Variants in CPNE4 observed in about 807,000 individuals in gnomAD.
The protein encoded by CPNE4 is copine-4.
A neutral mutation model predicts 67.9 loss-of-function variants in CPNE4; 25 were observed. The ratio of observed to expected loss-of-function variants is 0.37; its 90% CI spans 0.27 to 0.51. CPNE4 has a LOEUF of 0.51. Among genes scored for constraint, CPNE4 ranks in the 20% least tolerant of loss-of-function variants. The pLI is 0.93. For synonymous variants in CPNE4, 242 were observed against 244.9 expected, an observed-to-expected ratio of 0.99 and a Z score of 0.11; for missense variants, 464 against 690.8, an observed-to-expected ratio of 0.67 and a Z score of 3.68.
chr3:131,780,553 A>G (rs1197798096), intron 2 of CPNE4, among the ~76,000 whole-genome samples: 1 of 152,172 alleles, frequency 6.6e-6, no homozygotes, highest in Non-Finnish European at 1.5e-5. Context: ...GGAGGCCGTT[A>G]TCCGAAGCAA....
At chr3:131,846,249 C>G (rs998844373) in intron 2 of CPNE4, among the ~76,000 whole-genome samples, 3 of 152,138 alleles carry the variant, frequency 2.0e-5, no homozygotes, top group African/African-American at 7.2e-5. Flanking sequence ...ACATATTCAT[C>G]AAGAACATCT....
chr3:131,901,858 A>G (rs369930270), intron 2 of CPNE4, among the ~76,000 whole-genome samples: 30,964 of 151,906 alleles, frequency 0.2, 3,838 homozygotes, highest in Non-Finnish European at 0.27. Context: ...TGTGGTGTAA[A>G]TACTCCCTGA....
intron 5 of CPNE4, among the ~76,000 whole-genome samples, chr3:131,693,636 G>T (rs1214153216): frequency 2.0e-5 from 3 of 152,102 alleles, no homozygotes; most frequent in African/African-American, 7.2e-5. Flanking sequence ...AGAAAATTAT[G>T]TCTTGGCATT....
At chr3:132,017,168 A>G (rs1378263526) in intron 1 of CPNE4, among the ~76,000 whole-genome samples, 1 of 152,228 alleles carries the variant, frequency 6.6e-6, no homozygotes, top group Non-Finnish European at 1.5e-5. Flanking sequence ...CATGGTAAAC[A>G]ACTGAAAATG....
At position 131,830,072 on chromosome 3, in the gene CPNE4, C is replaced by T. The variant is rs186056744; in HGVS notation, c.180+75192G>A. ...TTCTTCTTATATTAACCTTTTTGAGCTTAGAAGATTGCATTAAAATCTGGA... is the reference window on the plus strand; with the variant it reads ...TTCTTCTTATATTAACCTTTTTGAGTTTAGAAGATTGCATTAAAATCTGGA... On this transcript the variant is annotated intron_variant, in intron 2 of 15. Transcript: ENST00000429747. Among the ~76,000 whole-genome samples the T allele has an allele frequency of 2.3e-3, 356 of 152,244 alleles. 3 individuals carry two copies. The highest frequency in any genetic ancestry group is 8.1e-3 in the African/African-American group (335 of 41,544).
At chr3:131,983,605 G>A (rs564350998) in intron 1 of CPNE4, among the ~76,000 whole-genome samples, 2 of 152,200 alleles carry the variant, frequency 1.3e-5, no homozygotes, top group South Asian at 4.1e-4. Context: ...AAAGTGGTAG[G>A]CACACTGTGG....
At chr3:131,756,069 G>T (rs1160336218) in intron 2 of CPNE4, among the ~76,000 whole-genome samples, 1 of 152,092 alleles carries the variant, frequency 6.6e-6, no homozygotes, top group Non-Finnish European at 1.5e-5. Flanking sequence ...CTAGGGTTTA[G>T]TCAGTGTCTA....
intron 2 of CPNE4, among the ~76,000 whole-genome samples, chr3:131,817,441 T>C (rs2084788315): frequency 6.6e-6 from 1 of 152,066 alleles, no homozygotes; most frequent in Non-Finnish European, 1.5e-5. Context: ...TCAAATGCAG[T>C]AAATGAGGGG....
chr3:131,851,303 T>G (rs1333986638), intron 2 of CPNE4, among the ~76,000 whole-genome samples: 1 of 152,064 alleles, frequency 6.6e-6, no homozygotes, highest in Non-Finnish European at 1.5e-5. Context: ...ATTAATATTT[T>G]TAATCTCTCC....
chr3:131,750,545 GT>G (rs1263451841), intron 2 of CPNE4, among the ~76,000 whole-genome samples: 1 of 151,988 alleles, frequency 6.6e-6, no homozygotes, highest in Non-Finnish European at 1.5e-5. Context: ...ACCAGATCAA[GT>G]GACATAATGG....
At chr3:131,582,857 T>G (rs1937927397) in intron 8 of CPNE4, among the ~76,000 whole-genome samples, 1 of 152,186 alleles carries the variant, frequency 6.6e-6, no homozygotes, top group Non-Finnish European at 1.5e-5. Context: ...TGAGTTCTGT[T>G]GGCACCACGT....
chr3:131,978,093 A>G (rs766712430), intron 1 of CPNE4, among the ~76,000 whole-genome samples: 8,643 of 53,198 alleles, frequency 0.16, 1,041 homozygotes, highest in South Asian at 0.21. Flanking sequence ...ATATAAATAT[A>G]TATATAAATA....
intron 7 of CPNE4, among the ~76,000 whole-genome samples, chr3:131,607,792 G>A (rs921999805): frequency 3.3e-5 from 5 of 152,114 alleles, no homozygotes; most frequent in African/African-American, 1.2e-4. Context: ...AAGTTAAACC[G>A]TTTTTGCTAT....
chr3:132,017,593 T>A (rs2073913307), intron 1 of CPNE4: 1 of 152,190 alleles, frequency 6.6e-6, no homozygotes, highest in South Asian at 2.1e-4. Context: ...GTGAACCACA[T>A]TCACTCTGAT....
intron 2 of CPNE4, among the ~76,000 whole-genome samples, chr3:131,834,194 C>A (rs2085475085): frequency 1.3e-5 from 2 of 152,024 alleles, no homozygotes; most frequent in Admixed American, 1.3e-4. Context: ...GTTTAAATTC[C>A]CTTTTTAGAT....
chr3:131,845,810 C>T (rs577117200), intron 2 of CPNE4, among the ~76,000 whole-genome samples: 3 of 152,196 alleles, frequency 2.0e-5, no homozygotes, highest in South Asian at 4.2e-4. Context: ...GTTCCGCTAT[C>T]GTCTAGTATT....
intron 7 of CPNE4, among the ~76,000 whole-genome samples, chr3:131,636,418 T>C (rs1278709503): frequency 2.0e-5 from 3 of 152,090 alleles, no homozygotes; most frequent in Non-Finnish European, 4.4e-5. Context: ...GAGGCAGCCA[T>C]AATCCCCCTA....
chr3:132,030,054 G>C (rs2074204440), intron 1 of CPNE4, among the ~76,000 whole-genome samples: 1 of 149,136 alleles, frequency 6.7e-6, no homozygotes, highest in Non-Finnish European at 1.5e-5. Flanking sequence ...CTGGCTCCAA[G>C]AGACAGCAAT....
At chr3:131,854,740 CT>C (rs907347148) in intron 2 of CPNE4, among the ~76,000 whole-genome samples, 1 of 151,542 alleles carries the variant, frequency 6.6e-6, no homozygotes, top group African/African-American at 2.4e-5. Context: ...CTCCCTCCAT[CT>C]TTATTCTTTT....
Sources: gnomAD v4.1 joint callset for allele counts (sites outside exome capture counted in the v4.1 genomes callset) on GRCh38, gnomAD v4.1.1 for gene constraint, MANE v1.5 for transcripts, NCBI Gene and HGNC (gene_info 2026-07-23, HGNC 2026-07-21) for gene names.